GLIS3: variants seen among roughly 807,000 people sequenced by gnomAD.
GLIS3 encodes the protein GLIS family zinc finger 3, also known as zinc finger protein GLIS3.
GLIS3 carries 53 observed loss-of-function variants against 78.6 expected under a neutral mutation model. That is an observed-to-expected ratio of 0.67 (90% CI 0.54 to 0.85). GLIS3 has a LOEUF of 0.85. Ranked by LOEUF, GLIS3 falls within the 40% of genes least tolerant of loss-of-function variation. The pLI, the probability that GLIS3 is intolerant of heterozygous loss-of-function variation, is 0.00. For missense variants in GLIS3, 1,703 were observed against 1,231.1 expected (o/e 1.38, Z -5.74); for synonymous variants, 684 against 509.9 (o/e 1.34, Z -4.60).
intron 2 of GLIS3, among the ~76,000 whole-genome samples, chr9:4,264,974 G>A (rs931530632): frequency 6.6e-6 from 1 of 151,712 alleles, no homozygotes; most frequent in African/African-American, 2.4e-5. Context: ...AGACCATCCT[G>A]GCTAACATGG....
chr9:4,120,785 T>C (rs1832116442), intron 3 of GLIS3, among the ~76,000 whole-genome samples: 1 of 152,256 alleles, frequency 6.6e-6, no homozygotes, highest in South Asian at 2.1e-4. Flanking sequence ...CCTGTCACTG[T>C]CATACTGGAG....
At chr9:4,379,976 G>A in the GLIS3 span, among the ~76,000 whole-genome samples, 2 of 8,618 alleles carry the variant, frequency 2.3e-4, no homozygotes, top group African/African-American at 2.5e-4. Flanking sequence ...ACCCCCAGGA[G>A]GACTTGGGTT....
At chr9:3,869,493 G>C (rs1820836014) in intron 8 of GLIS3, among the ~76,000 whole-genome samples, 1 of 152,142 alleles carries the variant, frequency 6.6e-6, no homozygotes, top group African/African-American at 2.4e-5. Flanking sequence ...ATGGTGGCAA[G>C]GTACTCCTAG....
intron 4 of GLIS3, among the ~76,000 whole-genome samples, chr9:3,958,161 C>G (rs1225785805): frequency 6.6e-6 from 1 of 152,210 alleles, no homozygotes; most frequent in Admixed American, 6.5e-5. Context: ...CCATACACAA[C>G]TACCAAGCCC....
intron 2 of GLIS3, among the ~76,000 whole-genome samples, chr9:4,278,676 G>A (rs886219347): frequency 6.6e-6 from 1 of 152,210 alleles, no homozygotes; most frequent in Non-Finnish European, 1.5e-5. Context: ...AACCAACCAT[G>A]TAAAAACTGA....
intron 2 of GLIS3, among the ~76,000 whole-genome samples, chr9:4,161,820 C>A (rs150346552): frequency 6.7e-6 from 1 of 149,952 alleles, no homozygotes; most frequent in Admixed American, 6.7e-5. Context: ...GCTGGGATTA[C>A]AGGTGCATGT....
At chr9:4,007,886 T>C (rs991170862) in intron 4 of GLIS3, among the ~76,000 whole-genome samples, 91 of 3,700 alleles carry the variant, frequency 0.025, 1 homozygote, top group Non-Finnish European at 0.043. Context: ...CGGGCGGGGG[T>C]GGGTGGGCGT....
At chr9:4,462,365 G>C in the GLIS3 span, among the ~76,000 whole-genome samples, 9 of 152,238 alleles carry the variant, frequency 5.9e-5, no homozygotes, top group Non-Finnish European at 7.4e-5. Context: ...TGTTGAATGA[G>C]GTAAGAGACC....
At chr9:4,022,171 C>T (rs962010660) in intron 4 of GLIS3, among the ~76,000 whole-genome samples, 1 of 152,182 alleles carries the variant, frequency 6.6e-6, no homozygotes, top group African/African-American at 2.4e-5. Context: ...AAAATGTCAG[C>T]CCACTAATAT....
intron 2 of GLIS3, among the ~76,000 whole-genome samples, chr9:4,236,184 C>CCA (rs1822719368): frequency 1.2e-5 from 1 of 84,306 alleles, no homozygotes; most frequent in South Asian, 4.9e-4. Flanking sequence ...GTGGTTGTCA[C>CCA]AAAAAAAAAA....
At chr9:4,414,256 A>G in the GLIS3 span, among the ~76,000 whole-genome samples, 1 of 152,326 alleles carries the variant, frequency 6.6e-6, no homozygotes. Flanking sequence ...TAGATTAGAT[A>G]ATCCAGCATG....
intron 2 of GLIS3, among the ~76,000 whole-genome samples, chr9:4,201,829 A>C (rs1297511515): frequency 6.6e-6 from 1 of 152,202 alleles, no homozygotes; most frequent in Non-Finnish European, 1.5e-5. Context: ...CAGAACTAGA[A>C]AAAGCTATTC....
rs368149302 is a variant in GLIS3 at position 4,277,862 on chromosome 9, G to T, written c.388+8176C>A. 1.5e-4 allele frequency among the ~76,000 whole-genome samples: 23 copies of T among 152,308 alleles called. No homozygotes were observed. In the South Asian group the frequency reaches 4.8e-3, roughly 32 times the overall value. ...ACGAGTCAAATTACAATGAGTAACT[G>T]TTGGAGCAGGAAGTAGGGGAAATAC... On this transcript the variant is annotated intron_variant, in intron 2 of 10. Transcript: ENST00000381971.
chr9:4,213,152 G>C (rs1327919147), intron 2 of GLIS3, among the ~76,000 whole-genome samples: 1 of 152,122 alleles, frequency 6.6e-6, no homozygotes, highest in African/African-American at 2.4e-5. Flanking sequence ...AATTGACCAG[G>C]TAAAACATCT....
chr9:4,174,704 T>A (rs894691908), intron 2 of GLIS3, among the ~76,000 whole-genome samples: 1 of 152,244 alleles, frequency 6.6e-6, no homozygotes. Flanking sequence ...AATACTGGCT[T>A]TTAAATCCCG....
chr9:4,256,207 G>A (rs1326346613), intron 2 of GLIS3, among the ~76,000 whole-genome samples: 1 of 152,112 alleles, frequency 6.6e-6, no homozygotes, highest in East Asian at 1.9e-4. Context: ...ATGAGAATAA[G>A]AGAGGCAATA....
In GLIS3 at chr9:4,118,629, G is replaced by A. The variant is rs372534545; in HGVS notation, c.849C>T (p.Tyr283=). ...LFGTESSHSP[Y]PSPRHSSTRS... is the part of the protein sequence containing the mutation. ...TGGTGGATGAGTGCCGAGGACTAGG[G>A]TAAGGAGAGTGGCTACTTTCCGTGC... Residue 283 remains tyrosine (Y), a synonymous_variant, in exon 4 of 11, where the codon TAC becomes TAT. Transcript: ENST00000381971. The surrounding 1 kb of genome is among the most constrained non-coding windows in gnomAD (Gnocchi z 4.7). 1 of 1,614,230 alleles carries A rather than the reference G, an allele frequency of 6.2e-7. No individual in the cohort carries two copies. The highest frequency in any genetic ancestry group is 8.5e-7 in the Non-Finnish European group (1 of 1,180,048).
chr9:3,864,398 G>A (rs995018189), intron 8 of GLIS3, among the ~76,000 whole-genome samples: 4 of 152,204 alleles, frequency 2.6e-5, no homozygotes, highest in African/African-American at 9.6e-5. Flanking sequence ...CATGAGAAAT[G>A]GAGGCATGGA....
chr9:4,002,489 A>G (rs1821188035), intron 4 of GLIS3, among the ~76,000 whole-genome samples: 1 of 152,190 alleles, frequency 6.6e-6, no homozygotes, highest in African/African-American at 2.4e-5. Flanking sequence ...GCATTGTTCT[A>G]GGCCCTACAT....
Sources: gnomAD v4.1 joint callset for allele counts (sites outside exome capture counted in the v4.1 genomes callset) on GRCh38, gnomAD v4.1.1 for gene constraint, Gnocchi (gnomAD v3.1) non-coding constraint, MANE v1.5 for transcripts, NCBI Gene and HGNC (gene_info 2026-07-23, HGNC 2026-07-21) for gene names.